Variants in CFAP54 observed in about 807,000 individuals in gnomAD.
The protein encoded by CFAP54 is cilia- and flagella-associated protein 54.
Under a neutral mutation model 370.4 loss-of-function variants are expected in CFAP54, and 290 were observed. The ratio of observed to expected loss-of-function variants is 0.78; its 90% CI spans 0.71 to 0.86. CFAP54 has a LOEUF of 0.86. CFAP54 is among the 40% of genes least tolerant of loss of function. CFAP54 has a pLI of 0.00. For missense variants in CFAP54, 3,399 were observed against 3,528.7 expected (o/e 0.96, Z 0.93); for synonymous variants, 1,206 against 1,236.5 (o/e 0.98, Z 0.52).
intron 26 of CFAP54, among the ~76,000 whole-genome samples, chr12:96,614,881 A>C (rs545503751): frequency 6.6e-6 from 1 of 152,366 alleles, no homozygotes; most frequent in Non-Finnish European, 1.5e-5. Flanking sequence ...AAATGGAAGA[A>C]CATTCCATGC....
At chr12:96,686,722 C>T (rs1432463507) in intron 42 of CFAP54, among the ~76,000 whole-genome samples, 3 of 152,094 alleles carry the variant, frequency 2.0e-5, no homozygotes, top group Non-Finnish European at 4.4e-5. Context: ...CTGTCAGGCC[C>T]CACCTCCAAT....
chr12:96,539,737 A>G (rs115920662), intron 13 of CFAP54, among the ~76,000 whole-genome samples: 3,874 of 152,234 alleles, frequency 0.025, 114 homozygotes, highest in African/African-American at 0.069. Context: ...AGCTTGGATC[A>G]ATTCAAAAAG....
At chr12:96,573,568 C>T (rs1160029811) in intron 19 of CFAP54, among the ~76,000 whole-genome samples, 1 of 152,214 alleles carries the variant, frequency 6.6e-6, no homozygotes, top group East Asian at 1.9e-4. Flanking sequence ...CTCTGGGCCT[C>T]ACTGGCTCTT....
rs2136696238 is a variant in CFAP54 at position 96,786,822 on chromosome 12, A to G, written c.8603A>G (p.Glu2868Gly). ...LQLYSSSCID[E>G]FPKELLCQLE... ...CTGTATTCTTCTTCTTGTATTGATGAATTTCCAAAAGAACTTCTTTGTCAA... is the reference window on the plus strand; with the variant it reads ...CTGTATTCTTCTTCTTGTATTGATGGATTTCCAAAAGAACTTCTTTGTCAA... The change falls in exon 62 of 68, where the codon GAA becomes GGA. Residue 2868 changes from glutamate to glycine, a missense_variant. Physicochemically the swap from Glu to Gly is moderately conservative, Grantham distance 98. This residue lies in a region of CFAP54 where 2,796 missense variants were observed against 2,869.7 expected (regional missense o/e 0.97). Coordinates refer to ENST00000524981, the MANE Select transcript of CFAP54 (RefSeq NM_001306084.2). 6.5e-7 allele frequency: 1 copy of G among 1,535,770 alleles called. No homozygotes were observed. The highest frequency in any genetic ancestry group is 1.4e-5 in the African/African-American group (1 of 73,152).
intron 19 of CFAP54, among the ~76,000 whole-genome samples, chr12:96,568,906 CTT>C (rs35705881): frequency 1.5e-4 from 21 of 141,998 alleles, no homozygotes; most frequent in African/African-American, 4.4e-4. Flanking sequence ...AGATGACTGG[CTT>C]TTTTTTTTTT....
At position 96,640,832 on chromosome 12, in the gene CFAP54, TC is replaced by T. The variant is rs1458345721; in HGVS notation, c.4317-3343del. On this transcript the variant is annotated intron_variant, in intron 32 of 67. Coordinates refer to ENST00000524981, the MANE Select transcript of CFAP54 (RefSeq NM_001306084.2). ...GAAAAACAAGCAATGGGGAAAGGAT[TC>T]CCTATTTAATAAATGGTGCTGGGAA... is the stretch of plus-strand genomic sequence containing the variant. Among the ~76,000 whole-genome samples the T allele has an allele frequency of 4.9e-4, 74 of 152,276 alleles. 1 individual carries two copies. The highest frequency in any genetic ancestry group is 2.0e-3 in the Admixed American group (31 of 15,292).
chr12:96,615,903 A>G (rs1956411392), intron 26 of CFAP54, among the ~76,000 whole-genome samples: 1 of 152,246 alleles, frequency 6.6e-6, no homozygotes, highest in Admixed American at 6.5e-5. Flanking sequence ...GAACACTTTT[A>G]CACAGTTGGT....
chr12:96,738,489 T>C (rs1196958728), intron 50 of CFAP54, among the ~76,000 whole-genome samples: 1 of 152,124 alleles, frequency 6.6e-6, no homozygotes, highest in Non-Finnish European at 1.5e-5. Context: ...GCTTCTGGCA[T>C]TTGCTGGCGG....
At chr12:96,648,630 A>G (rs992137000) in intron 34 of CFAP54, among the ~76,000 whole-genome samples, 3 of 116,202 alleles carry the variant, frequency 2.6e-5, no homozygotes, top group Non-Finnish European at 4.8e-5. Flanking sequence ...TCACCCTATC[A>G]CCTGGGCTGG....
chr12:96,643,660 G>A lies in CFAP54; in HGVS notation c.4317-518G>A, dbSNP rs183505161. ...ATCTAAACTATTAGCTAAAATTTGA[G>A]TATATTTTTTTCTGGAGCATATTGA... is the stretch of plus-strand genomic sequence containing the variant. On this transcript the variant is annotated intron_variant, in intron 32 of 67. Transcript: ENST00000524981. 6.1e-4 allele frequency among the ~76,000 whole-genome samples: 93 copies of A among 151,520 alleles called. 1 individual carries two copies. The East Asian group carries it at 0.016, about 26-fold the overall frequency.
chr12:96,612,034 T>G (rs1956364156), intron 26 of CFAP54, among the ~76,000 whole-genome samples: 1 of 152,138 alleles, frequency 6.6e-6, no homozygotes, highest in South Asian at 2.1e-4. Flanking sequence ...AATTCAGGGT[T>G]ACAGAGAACG....
At chr12:96,701,977 A>C (rs570265047) in intron 46 of CFAP54, among the ~76,000 whole-genome samples, 39 of 152,148 alleles carry the variant, frequency 2.6e-4, no homozygotes, top group Non-Finnish European at 5.4e-4. Context: ...TTGGGACACC[A>C]GTTAGGAGGC....
At chr12:96,506,831 C>A in intron 3 of CFAP54, 97 bp from the exon 4 acceptor site, 1 of 1,045,960 alleles carries the variant, frequency 9.6e-7, no homozygotes, top group East Asian at 2.8e-5. Context: ...AGGTGATTTG[C>A]CCACCTTGGC....
At chr12:96,595,541 G>A (rs1046366741) in intron 25 of CFAP54, among the ~76,000 whole-genome samples, 4 of 152,100 alleles carry the variant, frequency 2.6e-5, no homozygotes, top group Non-Finnish European at 5.9e-5. Flanking sequence ...CTCACACAAA[G>A]TCCAAACATT....
At chr12:96,690,042 C>G (rs1219881144) in intron 43 of CFAP54, among the ~76,000 whole-genome samples, 1 of 152,220 alleles carries the variant, frequency 6.6e-6, no homozygotes, top group Non-Finnish European at 1.5e-5. Context: ...ACTCTGACTT[C>G]TTACGTCGCA....
chr12:96,698,599 T>C (rs879119026), intron 45 of CFAP54, among the ~76,000 whole-genome samples: 1 of 152,130 alleles, frequency 6.6e-6, no homozygotes, highest in South Asian at 2.1e-4. Context: ...ATACCACATG[T>C]TCTCACTTAT....
At chr12:96,645,541 T>A (rs1956778358) in intron 33 of CFAP54, 1 of 154,776 alleles carries the variant, frequency 6.5e-6, no homozygotes, top group East Asian at 1.9e-4. Flanking sequence ...ATTTATAGAT[T>A]CAATGCCATC....
intron 3 of CFAP54, among the ~76,000 whole-genome samples, chr12:96,505,084 T>C (rs1277669439): frequency 2.3e-4 from 35 of 151,822 alleles, no homozygotes; most frequent in Admixed American, 2.3e-3. Context: ...TTCTTTTTTT[T>C]TTGGAGTCTT....
intron 42 of CFAP54, 25 bp from the exon 43 acceptor site, chr12:96,688,891 A>C (rs758801353): frequency 7.1e-7 from 1 of 1,408,134 alleles, no homozygotes; most frequent in East Asian, 2.4e-5. Flanking sequence ...CTACTAATCA[A>C]TTTTTTTTTC....
Sources: gnomAD v4.1 joint callset for allele counts (sites outside exome capture counted in the v4.1 genomes callset) on GRCh38, gnomAD v4.1.1 for gene constraint, gnomAD v4.1.1 regional missense constraint, MANE v1.5 for transcripts, NCBI Gene and HGNC (gene_info 2026-07-23, HGNC 2026-07-21) for gene names.